The following ARB2A variants were observed in gnomAD, a reference collection of about 807,000 sequenced individuals.
The protein encoded by ARB2A is ARB2 cotranscriptional regulator A.
the ARB2A span, among the ~76,000 whole-genome samples, chr5:93,947,135 T>C: frequency 1.7e-3 from 256 of 152,350 alleles, 1 homozygote; most frequent in African/African-American, 5.8e-3. Flanking sequence ...TAATCTGTAG[T>C]TTCTGACTGA....
At chr5:93,715,643 CT>C in the ARB2A span, among the ~76,000 whole-genome samples, 505 of 141,550 alleles carry the variant, frequency 3.6e-3, no homozygotes, top group Middle Eastern at 7.1e-3. Context: ...TTTCCCCCGC[CT>C]TTTTTTTTTT....
the ARB2A span, among the ~76,000 whole-genome samples, chr5:93,908,349 T>A: frequency 6.6e-5 from 10 of 151,102 alleles, no homozygotes; most frequent in African/African-American, 2.4e-4. Flanking sequence ...ATTAGTTTTA[T>A]TAAAAGTCTG....
At chr5:94,050,661 A>T in the ARB2A span, 2 of 1,181,932 alleles carry the variant, frequency 1.7e-6, no homozygotes, top group Non-Finnish European at 2.4e-6. Context: ...AAACTGCTGC[A>T]TCTTCAAAAC....
At chr5:94,018,315 T>C in the ARB2A span, among the ~76,000 whole-genome samples, 1 of 152,190 alleles carries the variant, frequency 6.6e-6, no homozygotes, top group Non-Finnish European at 1.5e-5. Flanking sequence ...TTTTTCTTGA[T>C]ATTTATCAGA....
chr5:93,867,476 G>A, the ARB2A span, among the ~76,000 whole-genome samples: 1 of 152,120 alleles, frequency 6.6e-6, no homozygotes, highest in South Asian at 2.1e-4. Flanking sequence ...GGAGTGCAGT[G>A]ATGCGATCTC....
At chr5:93,803,509 C>T in the ARB2A span, among the ~76,000 whole-genome samples, 3 of 145,632 alleles carry the variant, frequency 2.1e-5, no homozygotes, top group African/African-American at 7.5e-5. Context: ...AAGATGAGAA[C>T]ACATGAACAC....
the ARB2A span, among the ~76,000 whole-genome samples, chr5:94,004,490 G>A: frequency 6.6e-6 from 1 of 151,896 alleles, no homozygotes; most frequent in Non-Finnish European, 1.5e-5. Flanking sequence ...GCTGAGGCAG[G>A]AGAATAGCGT....
chr5:93,903,300 A>T, the ARB2A span, among the ~76,000 whole-genome samples: 6 of 151,980 alleles, frequency 3.9e-5, no homozygotes, highest in African/African-American at 1.2e-4. Context: ...ATTACTGGAT[A>T]AAAAAAGCTT....
chr5:93,967,597 A>C, the ARB2A span, among the ~76,000 whole-genome samples: 4 of 152,092 alleles, frequency 2.6e-5, no homozygotes, highest in Non-Finnish European at 5.9e-5. Flanking sequence ...AGGAGGTTCA[A>C]CCTTAAGGGG....
At chr5:93,926,526 A>AT in the ARB2A span, among the ~76,000 whole-genome samples, 2 of 152,042 alleles carry the variant, frequency 1.3e-5, no homozygotes, top group African/African-American at 4.8e-5. Context: ...ATGAAAAAGA[A>AT]TATGTCCTTT....
the ARB2A span, among the ~76,000 whole-genome samples, chr5:93,933,653 G>C: frequency 5.9e-5 from 9 of 152,186 alleles, no homozygotes; most frequent in Admixed American, 1.3e-4. Flanking sequence ...GTCCCGTTAG[G>C]GGGTGGGGGG....
At chr5:93,997,449 G>C in the ARB2A span, among the ~76,000 whole-genome samples, 1 of 151,950 alleles carries the variant, frequency 6.6e-6, no homozygotes, top group Non-Finnish European at 1.5e-5. Context: ...TATTCAATAA[G>C]ATATTTCAGG....
the ARB2A span, among the ~76,000 whole-genome samples, chr5:94,063,026 T>C: frequency 6.6e-6 from 1 of 152,324 alleles, no homozygotes; most frequent in Non-Finnish European, 1.5e-5. Flanking sequence ...CTAGAGCCAC[T>C]GAAAGCAACT....
At chr5:93,893,095 T>G in the ARB2A span, among the ~76,000 whole-genome samples, 2 of 152,192 alleles carry the variant, frequency 1.3e-5, no homozygotes, top group East Asian at 3.8e-4. Flanking sequence ...CACCACCTTC[T>G]GTCTGATTAA....
At chr5:94,046,511 T>A in the ARB2A span, among the ~76,000 whole-genome samples, 1 of 152,136 alleles carries the variant, frequency 6.6e-6, no homozygotes, top group Non-Finnish European at 1.5e-5. Context: ...GCATGCCCAC[T>A]TGGCCACTTT....
At chr5:94,041,363 G>C in the ARB2A span, among the ~76,000 whole-genome samples, 1 of 151,976 alleles carries the variant, frequency 6.6e-6, no homozygotes, top group African/African-American at 2.4e-5. Context: ...GCTTGACCTT[G>C]TAACCACGTG....
chr5:93,816,977 T>A, the ARB2A span, among the ~76,000 whole-genome samples: 1 of 152,072 alleles, frequency 6.6e-6, no homozygotes, highest in East Asian at 1.9e-4. Context: ...AACAAAAATA[T>A]ATAAATTAAT....
chr5:93,753,809 T>C, the ARB2A span, among the ~76,000 whole-genome samples: 6,528 of 152,262 alleles, frequency 0.043, 435 homozygotes, highest in African/African-American at 0.15. Flanking sequence ...GGAGAAAATA[T>C]GCTGACAGGT....
the ARB2A span, among the ~76,000 whole-genome samples, chr5:93,928,811 A>G: frequency 6.6e-6 from 1 of 152,102 alleles, no homozygotes; most frequent in Non-Finnish European, 1.5e-5. Context: ...TTAATTATCA[A>G]AAAATACACT....
Sources: gnomAD v4.1 joint callset for allele counts (sites outside exome capture counted in the v4.1 genomes callset) on GRCh38, gnomAD v4.1.1 for gene constraint, MANE v1.5 for transcripts, NCBI Gene and HGNC (gene_info 2026-07-23, HGNC 2026-07-21) for gene names.